IQCM: variants seen among roughly 807,000 people sequenced by gnomAD.
IQCM encodes IQ domain-containing protein M.
IQCM carries 45 observed loss-of-function variants against 57.6 expected under a neutral mutation model. The observed-to-expected ratio is 0.78, with a 90% CI of 0.62 to 1.00. The LOEUF (loss-of-function observed/expected upper bound fraction) is 1.00. Ranked by LOEUF, IQCM falls within the 50% of genes least tolerant of loss-of-function variation. The pLI is 0.00. For synonymous variants in IQCM, 148 were observed against 158.9 expected (o/e 0.93, Z 0.51); for missense variants, 468 against 511.6 (o/e 0.91, Z 0.82).
intron 2 of IQCM, among the ~76,000 whole-genome samples, chr4:149,766,206 A>C (rs530973280): frequency 1.3e-5 from 2 of 152,208 alleles, no homozygotes; most frequent in South Asian, 4.1e-4. Context: ...CTACAGACAA[A>C]ATGGACTCCC....
At chr4:149,807,017 A>C (rs1434789038) in intron 2 of IQCM, among the ~76,000 whole-genome samples, 2 of 151,898 alleles carry the variant, frequency 1.3e-5, no homozygotes, top group East Asian at 3.9e-4. Flanking sequence ...AAGAGGACAC[A>C]AAAAAATGGA....
At chr4:149,628,436 G>A (rs547120805) in intron 7 of IQCM, among the ~76,000 whole-genome samples, 1 of 152,220 alleles carries the variant, frequency 6.6e-6, no homozygotes, top group South Asian at 2.1e-4. Flanking sequence ...AGAGTTAGTA[G>A]GAGTATAAGT....
At position 149,644,725 on chromosome 4, in the gene IQCM, C is replaced by T. The variant is rs533992058; in HGVS notation, c.566-23481G>A. Reference sequence around the variant, plus strand: ...GTCCACGGATTAGCAGAACCTTCAACATGTGGGAGCTTGATAGAAATGCAG... The same window carrying T: ...GTCCACGGATTAGCAGAACCTTCAATATGTGGGAGCTTGATAGAAATGCAG... On this transcript the variant is annotated intron_variant, in intron 7 of 13. Coordinates refer to ENST00000636793, the MANE Select transcript of IQCM (RefSeq NM_001363507.2). Among the ~76,000 whole-genome samples the T allele has an allele frequency of 2.6e-5, 4 of 152,280 alleles. No homozygotes were observed. The South Asian group carries it at 8.3e-4, about 32-fold the overall frequency.
intron 2 of IQCM, among the ~76,000 whole-genome samples, chr4:149,779,175 C>A (rs148425311): frequency 0.022 from 3,398 of 152,210 alleles, 64 homozygotes; most frequent in South Asian, 0.035. Context: ...GCTTCATATT[C>A]AAAAACCCAG....
chr4:149,370,114 A>G (rs990891580), intron 13 of IQCM, among the ~76,000 whole-genome samples: 1 of 152,082 alleles, frequency 6.6e-6, no homozygotes, highest in African/African-American at 2.4e-5. Context: ...GGCTGGTCTC[A>G]AGCTCCTGCC....
chr4:149,789,755 T>C (rs963966217), intron 2 of IQCM, among the ~76,000 whole-genome samples: 2 of 141,272 alleles, frequency 1.4e-5, no homozygotes, highest in South Asian at 4.6e-4. Context: ...ACAAAAAAAT[T>C]GCTGAGCATG....
At chr4:149,716,138 G>A (rs146059389) in intron 5 of IQCM, among the ~76,000 whole-genome samples, 210 of 152,284 alleles carry the variant, frequency 1.4e-3, no homozygotes, top group South Asian at 5.2e-3. Context: ...CCATCAACCT[G>A]CCATCTACAG....
intron 12 of IQCM, among the ~76,000 whole-genome samples, chr4:149,507,324 G>T (rs888137036): frequency 2.0e-5 from 3 of 152,214 alleles, no homozygotes; most frequent in Non-Finnish European, 4.4e-5. Flanking sequence ...AACAGGCAGA[G>T]GTTGAAACAG....
At chr4:149,474,162 A>G (rs1398124318) in intron 12 of IQCM, among the ~76,000 whole-genome samples, 1 of 152,112 alleles carries the variant, frequency 6.6e-6, no homozygotes, top group African/African-American at 2.4e-5. Flanking sequence ...GTCAAAAAAA[A>G]AAGAAAGCAG....
At chr4:149,423,421 G>C (rs543628115) in intron 13 of IQCM, among the ~76,000 whole-genome samples, 90 of 152,052 alleles carry the variant, frequency 5.9e-4, no homozygotes, top group Non-Finnish European at 8.7e-4. Context: ...CGACACTTGG[G>C]GGTTACAATT....
chr4:149,398,136 T>C (rs1732360113), intron 13 of IQCM, among the ~76,000 whole-genome samples: 1 of 152,038 alleles, frequency 6.6e-6, no homozygotes, highest in Non-Finnish European at 1.5e-5. Context: ...TCCCAACACC[T>C]TTATTGAAGG....
chr4:149,424,494 G>A (rs888215230), intron 13 of IQCM, among the ~76,000 whole-genome samples: 1 of 151,582 alleles, frequency 6.6e-6, no homozygotes, highest in African/African-American at 2.4e-5. Flanking sequence ...CAAAATGTGT[G>A]GAATATGCAG....
At chr4:149,562,894 G>C (rs752863215) in intron 10 of IQCM, among the ~76,000 whole-genome samples, 2 of 152,130 alleles carry the variant, frequency 1.3e-5, no homozygotes, top group Non-Finnish European at 2.9e-5. Context: ...ATCTATTCCA[G>C]AGGTTTTTCG....
At chr4:149,645,357 C>T (rs1477290607) in intron 7 of IQCM, among the ~76,000 whole-genome samples, 1 of 152,186 alleles carries the variant, frequency 6.6e-6, no homozygotes, top group African/African-American at 2.4e-5. Context: ...ACTGCAAAAT[C>T]AGTGTATTTT....
At chr4:149,543,602 G>A (rs1366328229) in intron 12 of IQCM, among the ~76,000 whole-genome samples, 116 of 148,946 alleles carry the variant, frequency 7.8e-4, no homozygotes, top group Non-Finnish European at 2.2e-4. Context: ...GGAGGGGAGA[G>A]GGATAGCATT....
chr4:149,805,202 T>C (rs1773960599), intron 2 of IQCM, among the ~76,000 whole-genome samples: 1 of 152,122 alleles, frequency 6.6e-6, no homozygotes, highest in Non-Finnish European at 1.5e-5. Flanking sequence ...ATGAGTACTC[T>C]TGCTATGTAG....
intron 2 of IQCM, among the ~76,000 whole-genome samples, chr4:149,778,085 A>T (rs996079965): frequency 2.6e-5 from 4 of 152,354 alleles, no homozygotes; most frequent in Middle Eastern, 3.4e-3. Context: ...CAGTTAAATT[A>T]AAATGAATTG....
At chr4:149,588,598 G>T (rs1400230585) in intron 8 of IQCM, among the ~76,000 whole-genome samples, 1 of 151,716 alleles carries the variant, frequency 6.6e-6, no homozygotes, top group Non-Finnish European at 1.5e-5. Flanking sequence ...TAATTCAGCA[G>T]GACTGATGAC....
intron 2 of IQCM, among the ~76,000 whole-genome samples, chr4:149,761,790 C>T (rs1243030181): frequency 6.6e-6 from 1 of 152,044 alleles, no homozygotes; most frequent in African/African-American, 2.4e-5. Flanking sequence ...GTACAAAGAG[C>T]TAGTTCCTTA....
Sources: gnomAD v4.1 joint callset for allele counts (sites outside exome capture counted in the v4.1 genomes callset) on GRCh38, gnomAD v4.1.1 for gene constraint, MANE v1.5 for transcripts, NCBI Gene and HGNC (gene_info 2026-07-23, HGNC 2026-07-21) for gene names.